CENPP: variants seen among roughly 807,000 people sequenced by gnomAD.
The protein encoded by CENPP is centromere protein P.
CENPP carries 24 observed loss-of-function variants against 35.6 expected under a neutral mutation model. The ratio of observed to expected loss-of-function variants is 0.67; its 90% CI spans 0.49 to 0.95. The LOEUF is 0.95. Ranked by LOEUF, CENPP falls within the 40% of genes least tolerant of loss-of-function variation. The pLI, the probability that CENPP is intolerant of heterozygous loss-of-function variation, is 0.00. For synonymous variants in CENPP, 120 were observed against 125.5 expected, an observed-to-expected ratio of 0.96 and a Z score of 0.29; for missense variants, 332 against 345.3, an observed-to-expected ratio of 0.96 and a Z score of 0.31.
chr9:92,530,417 C>A (rs932977715), intron 5 of CENPP, among the ~76,000 whole-genome samples: 11 of 152,040 alleles, frequency 7.2e-5, no homozygotes, highest in African/African-American at 2.7e-4. Flanking sequence ...GAAAAAAAGT[C>A]TGTTAAAAAA....
chr9:92,386,112 T>C (rs1842408921), intron 5 of CENPP: 2 of 1,009,266 alleles, frequency 2.0e-6, no homozygotes, highest in Admixed American at 3.7e-5. Flanking sequence ...AACCAAAATT[T>C]GTATGTGAAT....
At position 92,403,794 on chromosome 9, in the gene CENPP, C is replaced by G. The variant is rs1242881969; in HGVS notation, c.564+23935C>G. On this transcript the variant is annotated intron_variant, in intron 5 of 7. Transcript: ENST00000375587. ...AGTATAAATAGTTAAAATAAAGTCC[C>G]AAGATCCTGTCTCATGTGAGTTAAA... The G allele has an allele frequency of 5.9e-6, 3 of 507,436 alleles. No homozygotes were observed. In the African/African-American group the frequency reaches 6.2e-5, roughly 11 times the overall value. The allele number at this position is 507,436 out of a possible 1,614,324, so 31.4% of individuals were successfully genotyped here.
At chr9:92,392,619 TGGG>T (rs1177769170) in intron 5 of CENPP, among the ~76,000 whole-genome samples, 2 of 148,080 alleles carry the variant, frequency 1.4e-5, no homozygotes, top group Non-Finnish European at 3.0e-5. Flanking sequence ...CATGTCGGGT[TGGG>T]GGGAGGGGGG....
chr9:92,581,384 A>AAT (rs1265153542), intron 5 of CENPP, among the ~76,000 whole-genome samples: 11 of 151,900 alleles, frequency 7.2e-5, no homozygotes, highest in East Asian at 1.9e-4. Flanking sequence ...TAAGATCCAA[A>AAT]ATATATATAT....
intron 5 of CENPP, among the ~76,000 whole-genome samples, chr9:92,603,486 C>T (rs1220065400): frequency 1.3e-5 from 2 of 152,138 alleles, no homozygotes; most frequent in Non-Finnish European, 2.9e-5. Flanking sequence ...TGTGGTGGTA[C>T]ACTCACCAAG....
Position 92,612,721 on chromosome 9 carries a change from C to G in CENPP, c.736+107C>G, listed in dbSNP as rs933376101. ...AGGGCAAGAATCAAAAATTGGAAAT[C>G]TCATTAATGTACTTTGTCTATCAAT... On this transcript the variant is annotated intron_variant, in intron 7 of 7. Transcript: ENST00000375587. 4.9e-6 allele frequency: 4 copies of G among 819,090 alleles called. No homozygotes were observed. In the Admixed American group the frequency reaches 8.7e-5, roughly 18 times the overall value. The allele number at this position is 819,090 out of a possible 1,614,324, so 50.7% of individuals were successfully genotyped here.
At chr9:92,495,363 T>G in intron 5 of CENPP, 9 of 973,010 alleles carry the variant, frequency 9.2e-6, no homozygotes, top group Non-Finnish European at 9.8e-6. Flanking sequence ...CAATACATAG[T>G]AAAGACATAG....
At chr9:92,484,064 T>C (rs575869820) in intron 5 of CENPP, among the ~76,000 whole-genome samples, 1 of 152,312 alleles carries the variant, frequency 6.6e-6, no homozygotes, top group Non-Finnish European at 1.5e-5. Context: ...ATCCAGAGCA[T>C]CTAGTGTTTG....
At chr9:92,464,065 C>T (rs1485585085) in intron 5 of CENPP, among the ~76,000 whole-genome samples, 1 of 152,130 alleles carries the variant, frequency 6.6e-6, no homozygotes, top group Non-Finnish European at 1.5e-5. Flanking sequence ...AAAGACGGAG[C>T]TGTTGGAAAG....
chr9:92,602,043 A>G (rs1850934074), intron 5 of CENPP, among the ~76,000 whole-genome samples: 1 of 152,218 alleles, frequency 6.6e-6, no homozygotes, highest in African/African-American at 2.4e-5. Context: ...AGGGAAGTAC[A>G]AAATGAGCCT....
At chr9:92,490,663 T>C (rs941918300) in intron 5 of CENPP, among the ~76,000 whole-genome samples, 2 of 152,220 alleles carry the variant, frequency 1.3e-5, no homozygotes, top group Non-Finnish European at 2.9e-5. Context: ...TAGTAATTTA[T>C]GGTATGTTTA....
intron 5 of CENPP, among the ~76,000 whole-genome samples, chr9:92,406,054 A>G (rs1208230178): frequency 1.3e-5 from 2 of 152,180 alleles, no homozygotes; most frequent in Non-Finnish European, 2.9e-5. Context: ...GGGAGAAGCC[A>G]CAAACTGACT....
intron 5 of CENPP, chr9:92,466,273 ATTATTC>A (rs1027954605): frequency 1.2e-4 from 110 of 902,346 alleles, no homozygotes; most frequent in Non-Finnish European, 1.7e-4. Flanking sequence ...AATTTTGGAA[ATTATTC>A]TTAATAGTGA....
At chr9:92,583,973 T>C (rs1850487715) in intron 5 of CENPP, among the ~76,000 whole-genome samples, 1 of 152,240 alleles carries the variant, frequency 6.6e-6, no homozygotes, top group African/African-American at 2.4e-5. Flanking sequence ...TGGCTCTGCT[T>C]AGTTCAGTTT....
At chr9:92,603,629 C>T (rs549345198) in intron 5 of CENPP, among the ~76,000 whole-genome samples, 1 of 152,254 alleles carries the variant, frequency 6.6e-6, no homozygotes, top group African/African-American at 2.4e-5. Context: ...GCTCTGATCA[C>T]CCCCGACACA....
intron 5 of CENPP, among the ~76,000 whole-genome samples, chr9:92,423,622 T>G (rs971284332): frequency 6.6e-6 from 1 of 152,170 alleles, no homozygotes; most frequent in African/African-American, 2.4e-5. Context: ...ATAATACATT[T>G]AAATCGTAAT....
At chr9:92,507,217 C>T (rs1847060993) in intron 5 of CENPP, among the ~76,000 whole-genome samples, 1 of 152,172 alleles carries the variant, frequency 6.6e-6, no homozygotes, top group Non-Finnish European at 1.5e-5. Context: ...TGCTGAGCAA[C>T]AGGAAGTAGC....
rs754860636 is a variant in CENPP at position 92,615,892 on chromosome 9, G to A, written c.*2743G>A. On this transcript the variant is annotated 3_prime_UTR_variant, in exon 8 of 8. Transcript: ENST00000375587. ...TTTCCTTGAACCGAGTCGACATCAC[G>A]GCGTTGTCTTTGGCACGTACAGTCT... is the stretch of plus-strand genomic sequence containing the variant. The A allele has an allele frequency of 8.8e-5, 142 of 1,614,174 alleles. 1 individual carries two copies. In the Middle Eastern group the frequency reaches 3.5e-3, roughly 39 times the overall value.
intron 3 of CENPP, among the ~76,000 whole-genome samples, chr9:92,342,444 T>G (rs1841152257): frequency 6.6e-6 from 1 of 152,226 alleles, no homozygotes; most frequent in South Asian, 2.1e-4. Flanking sequence ...TAAAGAGACA[T>G]GAGTTGTCAT....
Sources: gnomAD v4.1 joint callset for allele counts (sites outside exome capture counted in the v4.1 genomes callset) on GRCh38, gnomAD v4.1.1 for gene constraint, MANE v1.5 for transcripts, NCBI Gene and HGNC (gene_info 2026-07-23, HGNC 2026-07-21) for gene names.